The following SLC23A2 variants were observed in gnomAD, a reference collection of about 807,000 sequenced individuals.
SLC23A2 encodes Na(+)/L-ascorbic acid transporter 2.
Under a neutral mutation model 73.3 loss-of-function variants are expected in SLC23A2, and 36 were observed. The observed-to-expected ratio is 0.49, with a 90% CI of 0.38 to 0.65. SLC23A2 has a LOEUF of 0.65. SLC23A2 is among the 30% of genes least tolerant of loss of function. The probability of loss-of-function intolerance (pLI) is 0.00; values close to 1 mark genes in which losing one functional copy is unlikely to be tolerated. For synonymous variants in SLC23A2, 343 were observed against 327.3 expected, an observed-to-expected ratio of 1.05 and a Z score of -0.52; for missense variants, 507 against 841.6, an observed-to-expected ratio of 0.60 and a Z score of 4.92.
intron 2 of SLC23A2, among the ~76,000 whole-genome samples, chr20:4,964,008 C>CT (rs1461468134): frequency 2.2e-4 from 27 of 123,912 alleles, no homozygotes; most frequent in East Asian, 2.2e-4. Flanking sequence ...TTGCCATTAA[C>CT]TTATTTTTTT....
At chr20:4,988,929 G>A (rs939148232) in intron 1 of SLC23A2, among the ~76,000 whole-genome samples, 1 of 151,340 alleles carries the variant, frequency 6.6e-6, no homozygotes, top group Non-Finnish European at 1.5e-5. Flanking sequence ...AAAGGGAAAG[G>A]GAAAAGGAAA....
intron 12 of SLC23A2, 77 bp from the exon 13 acceptor site, chr20:4,867,952 C>T (rs6076747): frequency 1.2e-6 from 1 of 836,608 alleles, no homozygotes; most frequent in Non-Finnish European, 2.0e-6. Context: ...CTCTACACAT[C>T]TACAATCCAA....
Position 4,853,056 on chromosome 20 carries a change from G to A in SLC23A2, c.*3916C>T, listed in dbSNP as rs1434880449. On this transcript the variant is annotated 3_prime_UTR_variant, in exon 17 of 17. Coordinates refer to ENST00000338244, the MANE Select transcript of SLC23A2 (RefSeq NM_005116.6). ...CTAGTCCCTGTGTCTAAAAAGTCAT[G>A]AGGGGACAGAGTACAACAGGCAGCA... is the stretch of plus-strand genomic sequence containing the variant. 2.0e-5 allele frequency: 3 copies of A among 152,302 alleles called. No individual in the cohort carries two copies. Among genetic ancestry groups the A allele is most frequent in the East Asian group, 3.8e-4 (2 of 5,200 alleles). The allele number at this position is 152,302 out of a possible 1,614,324, so 9.4% of individuals were successfully genotyped here. A position where few individuals can be genotyped will look rare whatever the true frequency, so the allele number is the denominator to read the frequency against.
chr20:4,945,258 G>T (rs1340562399), intron 2 of SLC23A2, among the ~76,000 whole-genome samples: 2 of 152,056 alleles, frequency 1.3e-5, no homozygotes, highest in Non-Finnish European at 2.9e-5. Context: ...CAATCATCCT[G>T]CAGTCTTCTC....
At chr20:5,000,168 G>GA (rs1366791972) in intron 1 of SLC23A2, among the ~76,000 whole-genome samples, 1 of 152,112 alleles carries the variant, frequency 6.6e-6, no homozygotes, top group African/African-American at 2.4e-5. Context: ...TTTTTGAGCT[G>GA]AAAAGGGCCC....
At chr20:4,932,395 G>T in intron 3 of SLC23A2, 60 bp downstream of exon 3, 1 of 972,090 alleles carries the variant, frequency 1.0e-6, no homozygotes, top group Non-Finnish European at 1.7e-6. Context: ...ATCCTATGTT[G>T]ATTCCATACG....
intron 2 of SLC23A2, among the ~76,000 whole-genome samples, chr20:4,933,660 G>A (rs1011967013): frequency 6.6e-6 from 1 of 152,016 alleles, no homozygotes; most frequent in African/African-American, 2.4e-5. Flanking sequence ...AGAGGGCACA[G>A]AGGATCCCTC....
upstream of SLC23A2, among the ~76,000 whole-genome samples, chr20:5,004,692 A>G (rs78483382): frequency 1.3e-5 from 2 of 152,062 alleles, no homozygotes; most frequent in Non-Finnish European, 2.9e-5. Flanking sequence ...ATAAATAAAT[A>G]AATAAATTAA....
At chr20:4,933,430 A>G (rs1424932574) in intron 2 of SLC23A2, among the ~76,000 whole-genome samples, 1 of 151,570 alleles carries the variant, frequency 6.6e-6, no homozygotes, top group African/African-American at 2.4e-5. Flanking sequence ...CCTGGCCAAC[A>G]TAGTGAAACC....
At chr20:4,981,861 C>T (rs1172379383) in intron 1 of SLC23A2, among the ~76,000 whole-genome samples, 1 of 152,010 alleles carries the variant, frequency 6.6e-6, no homozygotes, top group Non-Finnish European at 1.5e-5. Context: ...GCCACCATGC[C>T]CAGCTAATTT....
At chr20:4,921,919 T>A (rs1453697745) in intron 3 of SLC23A2, among the ~76,000 whole-genome samples, 1 of 152,198 alleles carries the variant, frequency 6.6e-6, no homozygotes, top group Non-Finnish European at 1.5e-5. Context: ...GAACTATGGA[T>A]GCTTAAAAAC....
At chr20:4,985,597 G>A (rs368610927) in intron 1 of SLC23A2, among the ~76,000 whole-genome samples, 2 of 152,028 alleles carry the variant, frequency 1.3e-5, no homozygotes, top group East Asian at 1.9e-4. Context: ...ACAGGTGCGC[G>A]CCACCATGCC....
At chr20:4,866,433 C>T (rs770510768) in intron 13 of SLC23A2, among the ~76,000 whole-genome samples, 1 of 152,132 alleles carries the variant, frequency 6.6e-6, no homozygotes, top group African/African-American at 2.4e-5. Flanking sequence ...ATGGCTTAGG[C>T]CCCATTCTGT....
In SLC23A2 at chr20:4,862,056, G is replaced by A; in HGVS notation, c.1516C>T (p.Leu506=). The A allele has an allele frequency of 6.2e-7, 1 of 1,614,158 alleles. No homozygotes were observed. Among genetic ancestry groups the A allele is most frequent in the Middle Eastern group, 1.6e-4 (1 of 6,062 alleles). Reference sequence around the variant, plus strand: ...GAAGAATTTAAATCAATGAACTGCAGGTTAGAGAGGCCAACAGCTGTGATC... The same window carrying A: ...GAAGAATTTAAATCAATGAACTGCAAGTTAGAGAGGCCAACAGCTGTGATC... ...GMITAVGLSN[L]QFIDLNSSRN... Residue 506 remains leucine (L), a synonymous_variant, in exon 15 of 17, where the codon CTG becomes TTG. Coordinates refer to ENST00000338244, the MANE Select transcript of SLC23A2 (RefSeq NM_005116.6). The surrounding 1 kb of genome is among the most constrained non-coding windows in gnomAD (Gnocchi z 5.1).
intron 1 of SLC23A2, among the ~76,000 whole-genome samples, chr20:4,991,931 G>A (rs996936580): frequency 1.3e-5 from 2 of 151,974 alleles, no homozygotes; most frequent in Admixed American, 1.3e-4. Flanking sequence ...CCAACATGGT[G>A]AAACTCTGTC....
rs893192011 is a variant in SLC23A2, at chr20:4,863,873, C to G, written c.1357-966G>C. Among the ~76,000 whole-genome samples, 1 of 152,226 alleles carries G rather than the reference C, an allele frequency of 6.6e-6. No homozygotes were observed. Among genetic ancestry groups the G allele is most frequent in the Non-Finnish European group, 1.5e-5 (1 of 68,046 alleles). ...CAGGACTATTCCCCCATTATAGGCTCTCATAGCACCATGTAGGGCATATCT... is the reference window on the plus strand; with the variant it reads ...CAGGACTATTCCCCCATTATAGGCTGTCATAGCACCATGTAGGGCATATCT... On this transcript the variant is annotated intron_variant, in intron 13 of 16. Coordinates refer to ENST00000338244, the MANE Select transcript of SLC23A2 (RefSeq NM_005116.6). This position sits in a 1 kb window ranked among gnomAD's most constrained non-coding sequence, Gnocchi z 4.8.
At chr20:5,000,501 C>G (rs530328331) in intron 1 of SLC23A2, among the ~76,000 whole-genome samples, 37 of 152,264 alleles carry the variant, frequency 2.4e-4, no homozygotes, top group African/African-American at 8.7e-4. Flanking sequence ...GGGACTGCAT[C>G]TTCCCCCGCC....
Position 4,874,710 on chromosome 20 carries a change from G to T in SLC23A2, c.825-14C>A. The T allele has an allele frequency of 6.4e-7, 1 of 1,572,856 alleles. No individual in the cohort carries two copies. On this transcript the variant is annotated splice_polypyrimidine_tract_variant and intron_variant, in intron 9 of 16. Transcript: ENST00000338244. The stretch of plus-strand genomic sequence containing the variant: ...AGGAATATTGTCCTGAGGAGAGAAA[G>T]AAAACAAACTAGGTCAAAAGCTGTT...
rs529437037 is a variant in SLC23A2 at position 4,932,671 on chromosome 20, C to A, written c.-109G>T. 4.1e-5 allele frequency: 28 copies of A among 688,486 alleles called. No individual in the cohort carries two copies. In the South Asian group the frequency reaches 4.6e-4, roughly 11 times the overall value. The allele number at this position is 688,486 out of a possible 1,614,324, so 42.6% of individuals were successfully genotyped here. On this transcript the variant is annotated 5_prime_UTR_variant, in exon 3 of 17. Transcript: ENST00000338244. ...CGGCTCTTCTAGTGCCTGGAGCCCC[C>A]GATTCTCAAGCAGAGATGAGGCCTG... is the stretch of plus-strand genomic sequence containing the variant.
Sources: allele counts gnomAD v4.1 joint callset (sites outside exome capture counted in the v4.1 genomes callset), GRCh38; gene constraint gnomAD v4.1.1; non-coding constraint Gnocchi (gnomAD v3.1); transcripts MANE v1.5; gene names NCBI Gene and HGNC (gene_info 2026-07-23, HGNC 2026-07-21).